PTPRG: variants seen among roughly 807,000 people sequenced by gnomAD.
PTPRG encodes receptor-type tyrosine-protein phosphatase gamma.
A neutral mutation model predicts 165.3 loss-of-function variants in PTPRG; 102 were observed. The observed-to-expected ratio is 0.62, with a 90% confidence interval of 0.53 to 0.73. The LOEUF (loss-of-function observed/expected upper bound fraction) is 0.73, where lower values mean the gene tolerates loss of function less well. Among genes scored for constraint, PTPRG ranks in the 30% least tolerant of loss-of-function variants. PTPRG has a pLI of 0.00. For synonymous variants in PTPRG, 675 were observed against 669.5 expected (o/e 1.01, Z -0.13); for missense variants, 1,866 against 1,861.4 (o/e 1.00, Z -0.05).
At position 62,281,715 on chromosome 3, in the gene PTPRG, C is replaced by G. The variant is rs1306585040; in HGVS notation, c.3912+6C>G. 1 of 1,607,860 alleles carries G rather than the reference C, an allele frequency of 6.2e-7. No homozygotes were observed. Among genetic ancestry groups the G allele is most frequent in the South Asian group, 1.1e-5 (1 of 90,392 alleles). On this transcript the variant is annotated splice_donor_region_variant and intron_variant, in intron 27 of 29. Coordinates refer to ENST00000474889, the MANE Select transcript of PTPRG (RefSeq NM_002841.4). The stretch of plus-strand genomic sequence containing the variant: ...TTATCCTTGAAGCTACACAGGTAAC[C>G]TAAACCTCAGTTCCTCACTAATAGC...
intron 2 of PTPRG, among the ~76,000 whole-genome samples, chr3:61,941,943 G>A (rs2039641893): frequency 6.6e-6 from 1 of 151,560 alleles, no homozygotes; most frequent in Non-Finnish European, 1.5e-5. Context: ...TGGATTACCT[G>A]AGGTCAGGAG....
intron 1 of PTPRG, among the ~76,000 whole-genome samples, chr3:61,598,502 G>A (rs748399392): frequency 3.9e-4 from 59 of 152,236 alleles, no homozygotes; most frequent in Non-Finnish European, 7.1e-4. Context: ...ATGATAGAGT[G>A]AAGAGCTATA....
intron 1 of PTPRG, among the ~76,000 whole-genome samples, chr3:61,564,532 G>C (rs757931665): frequency 6.6e-6 from 1 of 152,214 alleles, no homozygotes; most frequent in Non-Finnish European, 1.5e-5. Flanking sequence ...TCCTGGTCCG[G>C]GAGCCGAGGG....
intron 4 of PTPRG, among the ~76,000 whole-genome samples, chr3:62,050,440 T>C (rs1700435017): frequency 6.6e-6 from 1 of 152,212 alleles, no homozygotes. Context: ...TTTATGTAAG[T>C]ACACTCTGAT....
intron 2 of PTPRG, among the ~76,000 whole-genome samples, chr3:61,777,600 A>G (rs2107061018): frequency 6.6e-6 from 1 of 152,322 alleles, no homozygotes; most frequent in East Asian, 1.9e-4. Context: ...TAGGGTTAGC[A>G]GGGAATCGGA....
chr3:61,571,197 C>T lies in PTPRG; in HGVS notation c.85+8825C>T, dbSNP rs534925373. ...GAAGTATGAACCATGATTATTTCCA[C>T]TGTAGGGTTAGGAAACTAAAGTTGA... On this transcript the variant is annotated intron_variant, in intron 1 of 29. Coordinates refer to ENST00000474889, the MANE Select transcript of PTPRG (RefSeq NM_002841.4). Among the ~76,000 whole-genome samples, 3 of 152,288 alleles carry T rather than the reference C, an allele frequency of 2.0e-5. No individual in the cohort carries two copies. In the South Asian group the frequency reaches 6.2e-4, roughly 32 times the overall value.
intron 2 of PTPRG, among the ~76,000 whole-genome samples, chr3:61,822,731 G>A (rs992603369): frequency 6.6e-6 from 1 of 152,050 alleles, no homozygotes; most frequent in Non-Finnish European, 1.5e-5. Context: ...CCATTAATGG[G>A]GTATTTTTGG....
chr3:61,744,493 G>A (rs1294722037), intron 1 of PTPRG, among the ~76,000 whole-genome samples: 1 of 152,192 alleles, frequency 6.6e-6, no homozygotes, highest in East Asian at 1.9e-4. Context: ...TTGTAGCACA[G>A]TGGTAAGTAT....
intron 4 of PTPRG, among the ~76,000 whole-genome samples, chr3:62,014,666 T>C (rs1406900883): frequency 6.6e-6 from 1 of 152,174 alleles, no homozygotes; most frequent in East Asian, 1.9e-4. Flanking sequence ...CCTCACGCAC[T>C]CCCCTTGCTA....
At chr3:61,988,820 C>G (rs780706639) in intron 2 of PTPRG, among the ~76,000 whole-genome samples, 1 of 152,092 alleles carries the variant, frequency 6.6e-6, no homozygotes, top group Admixed American at 6.6e-5. Context: ...GAAACTGCTC[C>G]CATAATATTT....
At chr3:61,609,970 T>C (rs1204123367) in intron 1 of PTPRG, among the ~76,000 whole-genome samples, 2 of 151,256 alleles carry the variant, frequency 1.3e-5, no homozygotes, top group African/African-American at 2.4e-5. Flanking sequence ...ATAATGCAGA[T>C]AACTTTTGAT....
chr3:62,240,373 A>G lies in PTPRG; in HGVS notation c.2376-3434A>G, dbSNP rs571596224. Among the ~76,000 whole-genome samples, 89 of 152,146 alleles carry G rather than the reference A, an allele frequency of 5.8e-4. 1 individual carries two copies. Among genetic ancestry groups the G allele is most frequent in the Non-Finnish European group, 1.1e-3 (74 of 68,030 alleles). ...ATACATACTCCCCCAATACCCAGAA[A>G]AAAAAATGGAAAACAGCCCATCTGT... On this transcript the variant is annotated intron_variant, in intron 14 of 29. Coordinates refer to ENST00000474889, the MANE Select transcript of PTPRG (RefSeq NM_002841.4). The surrounding 1 kb of genome is among the most constrained non-coding windows in gnomAD (Gnocchi z 5.1).
At chr3:62,286,001 A>G (rs1431487097) in intron 28 of PTPRG, among the ~76,000 whole-genome samples, 1 of 152,222 alleles carries the variant, frequency 6.6e-6, no homozygotes, top group East Asian at 1.9e-4. Context: ...AGTACATGAC[A>G]TGTGATAACA....
At chr3:61,860,434 C>CTTTTTTTTTTT (rs766688465) in intron 2 of PTPRG, among the ~76,000 whole-genome samples, 5 of 95,554 alleles carry the variant, frequency 5.2e-5, no homozygotes, top group African/African-American at 1.1e-4. Flanking sequence ...GTTTTTGTTC[C>CTTTTTTTTTTT]TTTTTTTTTT....
chr3:61,608,703 G>A (rs1701082136), intron 1 of PTPRG, among the ~76,000 whole-genome samples: 1 of 152,196 alleles, frequency 6.6e-6, no homozygotes. Context: ...TATTGTTTAA[G>A]GCAGCATGAG....
At chr3:61,989,911 G>T (rs904737310) in intron 3 of PTPRG, 107 bp downstream of exon 3, 7 of 1,231,376 alleles carry the variant, frequency 5.7e-6, no homozygotes, top group Non-Finnish European at 7.9e-6. Flanking sequence ...GCACATTGCT[G>T]TGGGGAGCCT....
intron 1 of PTPRG, among the ~76,000 whole-genome samples, chr3:61,604,295 A>C (rs930181703): frequency 4.6e-5 from 7 of 152,310 alleles, no homozygotes; most frequent in Non-Finnish European, 8.8e-5. Flanking sequence ...CTGCACTCCA[A>C]CCTAGGTGAC....
intron 5 of PTPRG, among the ~76,000 whole-genome samples, chr3:62,081,214 G>A (rs1476206442): frequency 1.3e-5 from 2 of 149,196 alleles, no homozygotes; most frequent in South Asian, 2.1e-4. Context: ...CCGAGATCGC[G>A]CCATTGCACA....
intron 6 of PTPRG, among the ~76,000 whole-genome samples, chr3:62,134,751 G>A (rs981778927): frequency 2.6e-5 from 4 of 152,150 alleles, no homozygotes; most frequent in African/African-American, 9.7e-5. Context: ...ATGTTGATGT[G>A]GCACGCTGTG....
Sources: gnomAD v4.1 joint callset for allele counts (sites outside exome capture counted in the v4.1 genomes callset) on GRCh38, gnomAD v4.1.1 for gene constraint, Gnocchi (gnomAD v3.1) non-coding constraint, MANE v1.5 for transcripts, NCBI Gene and HGNC (gene_info 2026-07-23, HGNC 2026-07-21) for gene names.